Variants in TDP1 observed in about 807,000 individuals in gnomAD.
TDP1 encodes tyrosyl-DNA phosphodiesterase 1.
In TDP1, 64 loss-of-function variants were observed where a neutral mutation model predicts 81.5. The ratio of observed to expected loss-of-function variants is 0.79; its 90% CI spans 0.64 to 0.97. The LOEUF is 0.97. Ranked by LOEUF, TDP1 falls within the 50% of genes least tolerant of loss-of-function variation. The pLI is 0.00. For missense variants in TDP1, 723 were observed against 743.8 expected, an observed-to-expected ratio of 0.97 and a Z score of 0.33; for synonymous variants, 256 against 264.3, an observed-to-expected ratio of 0.97 and a Z score of 0.30.
intron 10 of TDP1, among the ~76,000 whole-genome samples, chr14:89,988,249 A>G (rs866993153): frequency 2.0e-5 from 3 of 152,144 alleles, no homozygotes; most frequent in Admixed American, 6.6e-5. Context: ...TTGGGTTTTT[A>G]ATGGAGGCTT....
At position 90,033,094 on chromosome 14, in the gene TDP1, G is replaced by C. The variant is rs762507482; in HGVS notation, c.1645-12G>C. On this transcript the variant is annotated splice_polypyrimidine_tract_variant and intron_variant, in intron 15 of 16. Transcript: ENST00000335725. ...TGGGGTGCAATCATAGATTTCCTCT[G>C]TGTGTCTGCAGGGTCTAGACAGTTT... 6 of 1,567,812 alleles carry C rather than the reference G, an allele frequency of 3.8e-6. No individual in the cohort carries two copies. The East Asian group carries it at 1.1e-4, about 29-fold the overall frequency.
intron 16 of TDP1, among the ~76,000 whole-genome samples, chr14:90,036,873 G>T (rs1487180870): frequency 2.1e-5 from 3 of 146,194 alleles, no homozygotes; most frequent in Admixed American, 6.8e-5. Flanking sequence ...GCAGTGGCAT[G>T]GTCTCAGCTC....
intron 2 of TDP1, among the ~76,000 whole-genome samples, chr14:89,962,446 G>A (rs1376517938): frequency 1.3e-5 from 2 of 152,144 alleles, no homozygotes; most frequent in African/African-American, 4.8e-5. Context: ...TAGATTAAAT[G>A]GACCTTAATC....
At chr14:90,004,810 C>T (rs567356415) in intron 14 of TDP1, among the ~76,000 whole-genome samples, 2 of 152,248 alleles carry the variant, frequency 1.3e-5, no homozygotes, top group East Asian at 3.9e-4. Context: ...AAGTAGGTTG[C>T]CTATAAGGTT....
At chr14:89,988,883 A>G (rs774420382) in intron 10 of TDP1, 22 bp from the exon 11 acceptor site, 9 of 1,613,900 alleles carry the variant, frequency 5.6e-6, no homozygotes, top group Middle Eastern at 1.6e-4. Context: ...TCACTTTAAC[A>G]TTCACTTTTA....
At chr14:89,975,436 A>C (rs764974302) in intron 6 of TDP1, 147 of 985,186 alleles carry the variant, frequency 1.5e-4, no homozygotes, top group Admixed American at 1.8e-4. Context: ...GTATAAGCCA[A>C]ATATCTAAAA....
chr14:89,970,336 C>A (rs941528716), intron 5 of TDP1, among the ~76,000 whole-genome samples: 3 of 152,120 alleles, frequency 2.0e-5, no homozygotes, highest in Non-Finnish European at 4.4e-5. Flanking sequence ...TCATTGAAAT[C>A]TAACCACCCA....
At chr14:90,031,405 C>A (rs762965772) in intron 15 of TDP1, among the ~76,000 whole-genome samples, 1 of 151,972 alleles carries the variant, frequency 6.6e-6, no homozygotes, top group South Asian at 2.1e-4. Context: ...ACCTGTAATC[C>A]CAGCACTTTG....
intron 2 of TDP1, among the ~76,000 whole-genome samples, chr14:89,961,345 AC>A (rs1219160620): frequency 1.3e-5 from 2 of 152,206 alleles, no homozygotes; most frequent in African/African-American, 4.8e-5. Flanking sequence ...GGCCTGTGGA[AC>A]CAGAGGGGTC....
In TDP1 at chr14:90,019,302, C is replaced by G; in HGVS notation, c.1542-14C>G. On this transcript the variant is annotated splice_polypyrimidine_tract_variant and intron_variant, in intron 14 of 16. Coordinates refer to ENST00000335725, the MANE Select transcript of TDP1 (RefSeq NM_018319.4). ...CTCCCTGAGTCAGCCCTATCTGTGT[C>G]CTTGTCTCTGCAGCGCAAATCTGTC... 6.4e-7 allele frequency: 1 copy of G among 1,567,244 alleles called. No homozygotes were observed. Among genetic ancestry groups the G allele is most frequent in the Non-Finnish European group, 8.8e-7 (1 of 1,137,986 alleles).
chr14:89,972,478 G>A (rs563034028), intron 6 of TDP1, among the ~76,000 whole-genome samples: 6 of 152,238 alleles, frequency 3.9e-5, no homozygotes, highest in South Asian at 2.1e-4. Flanking sequence ...CCATATCAAA[G>A]GCCAAGAAAC....
intron 14 of TDP1, among the ~76,000 whole-genome samples, chr14:89,998,418 A>ATG (rs1896880583): frequency 1.5e-4 from 15 of 98,228 alleles, no homozygotes; most frequent in African/African-American, 6.5e-4. Flanking sequence ...ATATATATAT[A>ATG]TATATGTATG....
chr14:90,043,495 G>T lies in TDP1; in HGVS notation c.*352G>T. ...TTGGAATATTTGCATAGCATAATGA[G>T]ATATCTTGGGAATGGGACCCAAATC... On this transcript the variant is annotated 3_prime_UTR_variant, in exon 17 of 17. Transcript: ENST00000335725. The T allele has an allele frequency of 2.8e-6, 1 of 360,352 alleles. No individual in the cohort carries two copies. Among genetic ancestry groups the T allele is most frequent in the Non-Finnish European group, 5.2e-6 (1 of 193,062 alleles). 22.3% of individuals were successfully genotyped at this position (360,352 alleles called of 1,614,324 possible).
At chr14:90,018,365 T>C (rs1885567527) in intron 14 of TDP1, among the ~76,000 whole-genome samples, 1 of 152,240 alleles carries the variant, frequency 6.6e-6, no homozygotes, top group South Asian at 2.1e-4. Flanking sequence ...TGAAGACGCC[T>C]CAGAGCTTAG....
chr14:89,977,856 C>G (rs965717363), intron 7 of TDP1, among the ~76,000 whole-genome samples: 1 of 150,820 alleles, frequency 6.6e-6, no homozygotes, highest in African/African-American at 2.5e-5. Context: ...CCTGCTCTGT[C>G]CAGTTTTGGT....
chr14:90,042,906 G>A (rs1002894290), intron 16 of TDP1, 164 bp from the exon 17 acceptor site: 5 of 985,278 alleles, frequency 5.1e-6, no homozygotes, highest in East Asian at 1.1e-4. Context: ...AGGAGCCTTC[G>A]CTAAAAGCTG....
rs1439719717 is a variant in TDP1, at chr14:89,988,924, C to G, written c.1151C>G (p.Ser384Ter). ...RLKKLLKDHA[S>*]SMPNAESWPV... ...TCCCAGCTTCTGAAAGACCATGCCT[C>G]ATCCATGCCTAACGCAGAGTCCTGG... The change falls in exon 11 of 17, where the codon TCA becomes TGA. Residue 384 changes from serine to a stop codon, truncating the protein, a stop_gained. Transcript: ENST00000335725. LOFTEE classifies it high-confidence loss of function. The G allele has an allele frequency of 6.2e-7, 1 of 1,614,174 alleles. No individual in the cohort carries two copies. Among genetic ancestry groups the G allele is most frequent in the Non-Finnish European group, 8.5e-7 (1 of 1,180,002 alleles).
At chr14:89,975,586 T>TG in intron 6 of TDP1, 195 bp from the exon 7 acceptor site, 1 of 696,046 alleles carries the variant, frequency 1.4e-6, no homozygotes, top group Non-Finnish European at 1.8e-6. Context: ...TTTGTGTTTT[T>TG]TTTTTTTTTT....
chr14:89,963,643 A>G lies in TDP1; in HGVS notation c.529A>G (p.Lys177Glu), dbSNP rs768201251. The change falls in exon 3 of 17, where the codon AAG becomes GAG. Residue 177 changes from lysine (K) to glutamate (E), a missense_variant. Transcript: ENST00000335725. ...YLTRVSGVKP[K>E]YNSGALHIKD... ...CACTAGAGTCTCTGGAGTTAAGCCA[A>G]AGTATAACTCTGGAGCCCTCCACAT... is the stretch of plus-strand genomic sequence containing the variant. The G allele has an allele frequency of 2.7e-5, 44 of 1,613,986 alleles. 1 individual carries two copies. The South Asian group carries it at 4.5e-4, about 17-fold the overall frequency.
Sources: allele counts gnomAD v4.1 joint callset (sites outside exome capture counted in the v4.1 genomes callset), GRCh38; gene constraint gnomAD v4.1.1; transcripts MANE v1.5; gene names NCBI Gene and HGNC (gene_info 2026-07-23, HGNC 2026-07-21).